MYZAP: variants seen among roughly 807,000 people sequenced by gnomAD.
MYZAP encodes the protein myocardial zonula adherens protein, also known as GRINL1A complex locus upstream.
MYZAP carries 66 observed loss-of-function variants against 69.4 expected under a neutral mutation model. The ratio of observed to expected loss-of-function variants is 0.95; its 90% CI spans 0.78 to 1.17. The LOEUF is 1.17. Among genes scored for constraint, MYZAP ranks in the 50% most tolerant of loss-of-function variants. MYZAP has a pLI of 0.00. For missense variants in MYZAP, 611 were observed against 556.2 expected (o/e 1.10, Z -0.99); for synonymous variants, 256 against 205.9 (o/e 1.24, Z -2.09).
intron 10 of MYZAP, 77 bp from the exon 11 acceptor site, chr15:57,661,373 A>G (rs1595922303): frequency 9.6e-7 from 1 of 1,044,442 alleles, no homozygotes; most frequent in Admixed American, 2.3e-5. Flanking sequence ...AACCAAGGGC[A>G]TCTATTCCAG....
At chr15:57,622,784 C>T (rs994027694) in intron 4 of MYZAP, among the ~76,000 whole-genome samples, 1 of 152,120 alleles carries the variant, frequency 6.6e-6, no homozygotes, top group East Asian at 1.9e-4. Context: ...TCATTTATAC[C>T]CTTGAGGTAA....
intron 8 of MYZAP, 100 bp downstream of exon 8, chr15:57,633,841 C>A: frequency 1.6e-6 from 2 of 1,266,796 alleles, no homozygotes; most frequent in South Asian, 3.3e-5. Context: ...CTCTCACCTC[C>A]AAAATTTGCA....
At chr15:57,605,510 G>A (rs2034685535) in intron 2 of MYZAP, among the ~76,000 whole-genome samples, 1 of 152,204 alleles carries the variant, frequency 6.6e-6, no homozygotes, top group Non-Finnish European at 1.5e-5. Flanking sequence ...ATGGCTAAGT[G>A]TTTGATAATG....
rs778562303 is a variant in MYZAP at position 57,629,792 on chromosome 15, C to G, written c.616C>G (p.Leu206Val). The G allele has an allele frequency of 2.5e-6, 4 of 1,613,848 alleles. No homozygotes were observed. In the African/African-American group the frequency reaches 5.3e-5, roughly 22 times the overall value. ...GACGTATGAAGCATCCATGGACAAGCTGAGGGAAAAGCAGAGGCAGTTGGA... is the reference window on the plus strand; with the variant it reads ...GACGTATGAAGCATCCATGGACAAGGTGAGGGAAAAGCAGAGGCAGTTGGA... ...QQTYEASMDK[L>V]REKQRQLEVA... Residue 206 changes from leucine (L) to valine (V), a missense_variant, in exon 6 of 13, where the codon CTG becomes GTG. By Grantham distance (32) the Leu-to-Val change is conservative. Transcript: ENST00000267853.
chr15:57,608,721 C>A (rs1313469308), intron 2 of MYZAP, among the ~76,000 whole-genome samples: 1 of 152,176 alleles, frequency 6.6e-6, no homozygotes, highest in Admixed American at 6.5e-5. Context: ...GAATCTCTTC[C>A]CTTTGAATGC....
At chr15:57,624,342 A>G (rs1008978376) in intron 4 of MYZAP, among the ~76,000 whole-genome samples, 6 of 152,156 alleles carry the variant, frequency 3.9e-5, no homozygotes, top group African/African-American at 9.7e-5. Flanking sequence ...CTTAAGTAAC[A>G]CCTAGTACCT....
At chr15:57,654,611 A>G (rs576345284) in intron 10 of MYZAP, among the ~76,000 whole-genome samples, 1 of 152,276 alleles carries the variant, frequency 6.6e-6, no homozygotes, top group South Asian at 2.1e-4. Flanking sequence ...TCCAAGTTCA[A>G]TACGGAGTTA....
At chr15:57,651,783 C>G (rs539406841) in intron 10 of MYZAP, among the ~76,000 whole-genome samples, 1 of 152,306 alleles carries the variant, frequency 6.6e-6, no homozygotes, top group East Asian at 1.9e-4. Context: ...GCATGCTCCT[C>G]CTTTCTTCCT....
At chr15:57,663,839 A>G (rs889644709) in intron 11 of MYZAP, among the ~76,000 whole-genome samples, 1 of 152,220 alleles carries the variant, frequency 6.6e-6, no homozygotes, top group Non-Finnish European at 1.5e-5. Flanking sequence ...GAGCATATCA[A>G]TAATGATTAT....
chr15:57,644,748 G>A (rs1234139255), intron 10 of MYZAP, among the ~76,000 whole-genome samples: 2 of 152,192 alleles, frequency 1.3e-5, no homozygotes, highest in Non-Finnish European at 2.9e-5. Context: ...TTACAGGCGT[G>A]AGCCACTACA....
chr15:57,638,775 G>A (rs2036962356), intron 9 of MYZAP, among the ~76,000 whole-genome samples: 1 of 152,234 alleles, frequency 6.6e-6, no homozygotes, highest in Non-Finnish European at 1.5e-5. Context: ...TAAAGGATAT[G>A]TAGAGCAACT....
At chr15:57,660,248 G>T (rs933170776) in intron 10 of MYZAP, among the ~76,000 whole-genome samples, 6 of 152,164 alleles carry the variant, frequency 3.9e-5, no homozygotes, top group Non-Finnish European at 8.8e-5. Flanking sequence ...TAATGCATAT[G>T]TACTTTTTCT....
rs375537951 is a variant in MYZAP, at chr15:57,629,784, T to C, written c.608T>C (p.Met203Thr). The change falls in exon 6 of 13, where the codon ATG becomes ACG. Residue 203 changes from methionine to threonine, a missense_variant. Met to Thr is a moderately conservative substitution (Grantham distance 81, BLOSUM62 -1). Transcript: ENST00000267853. ...RNLQQTYEAS[M>T]DKLREKQRQL... ...CTGCAGCAGACGTATGAAGCATCCA[T>C]GGACAAGCTGAGGGAAAAGCAGAGG... 6.2e-5 allele frequency: 100 copies of C among 1,613,876 alleles called. No individual in the cohort carries two copies. The highest frequency in any genetic ancestry group is 8.2e-5 in the Non-Finnish European group (97 of 1,179,978).
Position 57,618,297 on chromosome 15 carries a change from C to G in MYZAP, c.318+109C>G, listed in dbSNP as rs147396808. 3.5e-5 allele frequency: 51 copies of G among 1,467,928 alleles called. No individual in the cohort carries two copies. In the East Asian group the frequency reaches 1.0e-3, roughly 29 times the overall value. The allele number at this position is 1,467,928 out of a possible 1,614,324, so 90.9% of individuals were successfully genotyped here. ...TGTAATAAGGCATTTTGAAAGAATT[C>G]TTAGTGTTATCATTTTGGCTGGAAA... On this transcript the variant is annotated intron_variant, in intron 3 of 12. Coordinates refer to ENST00000267853, the MANE Select transcript of MYZAP (RefSeq NM_001018100.5).
chr15:57,667,213 A>C (rs1595929368), intron 11 of MYZAP, among the ~76,000 whole-genome samples: 1 of 152,308 alleles, frequency 6.6e-6, no homozygotes, highest in Admixed American at 6.5e-5. Context: ...CGGCAGCACC[A>C]GGCACTCGGC....
intron 10 of MYZAP, chr15:57,648,541 G>A (rs2037564847): frequency 3.2e-6 from 3 of 939,286 alleles, no homozygotes; most frequent in East Asian, 1.2e-4. Flanking sequence ...AGTTTTTTAA[G>A]CATGGGAAAC....
intron 12 of MYZAP, among the ~76,000 whole-genome samples, chr15:57,681,161 C>T (rs915462523): frequency 1.3e-5 from 2 of 152,184 alleles, no homozygotes; most frequent in Admixed American, 1.3e-4. Context: ...GAGACTGTTT[C>T]TGTTATGCAG....
At chr15:57,621,783 T>C (rs1267432420) in intron 4 of MYZAP, 83 bp downstream of exon 4, 9 of 1,251,146 alleles carry the variant, frequency 7.2e-6, no homozygotes, top group African/African-American at 3.0e-5. Flanking sequence ...CCTAAAGATA[T>C]TAGAGTATCT....
chr15:57,592,165 C>T (rs965749986), intron 1 of MYZAP, 56 bp downstream of exon 1: 181 of 1,260,716 alleles, frequency 1.4e-4, no homozygotes, highest in Middle Eastern at 9.1e-4. Flanking sequence ...CGGCCGCCCC[C>T]TCTAGAGGGG....
Sources: allele counts gnomAD v4.1 joint callset (sites outside exome capture counted in the v4.1 genomes callset), GRCh38; gene constraint gnomAD v4.1.1; transcripts MANE v1.5; gene names NCBI Gene and HGNC (gene_info 2026-07-23, HGNC 2026-07-21).